The following FER variants were observed in gnomAD, a reference collection of about 807,000 sequenced individuals.
The protein encoded by FER is tyrosine-protein kinase Fer.
Under a neutral mutation model 111.0 loss-of-function variants are expected in FER, and 63 were observed. The ratio of observed to expected loss-of-function variants is 0.57; its 90% CI spans 0.46 to 0.70. The LOEUF is 0.70. Among genes scored for constraint, FER ranks in the 30% least tolerant of loss-of-function variants. The pLI is 0.00. For synonymous variants in FER, 327 were observed against 313.9 expected, an observed-to-expected ratio of 1.04 and a Z score of -0.44; for missense variants, 914 against 954.0, an observed-to-expected ratio of 0.96 and a Z score of 0.55.
chr5:108,810,831 G>C (rs1006615364), intron 3 of FER, among the ~76,000 whole-genome samples: 1 of 152,084 alleles, frequency 6.6e-6, no homozygotes. Flanking sequence ...ATCTGCCTGG[G>C]GGTGAGGAAG....
At chr5:109,149,016 A>C (rs1188880375) in intron 17 of FER, among the ~76,000 whole-genome samples, 1 of 152,148 alleles carries the variant, frequency 6.6e-6, no homozygotes, top group Admixed American at 6.6e-5. Flanking sequence ...ATTGTCACAT[A>C]ACCTAGTTCA....
chr5:109,075,546 C>T (rs1776233316), intron 16 of FER, among the ~76,000 whole-genome samples: 1 of 151,672 alleles, frequency 6.6e-6, no homozygotes. Context: ...GCCTCAGCCT[C>T]CTGAGTAGCT....
chr5:108,914,412 G>A (rs966923410), intron 10 of FER, among the ~76,000 whole-genome samples: 12 of 152,108 alleles, frequency 7.9e-5, no homozygotes, highest in African/African-American at 2.4e-5. Flanking sequence ...TATGGACTAT[G>A]TACCTCTTAT....
intron 17 of FER, among the ~76,000 whole-genome samples, chr5:109,178,260 G>A (rs1757919898): frequency 6.6e-6 from 1 of 152,166 alleles, no homozygotes; most frequent in Non-Finnish European, 1.5e-5. Context: ...ACTTAATGCA[G>A]CCCAAAGGAA....
intron 16 of FER, among the ~76,000 whole-genome samples, chr5:109,090,893 G>A (rs1778093384): frequency 6.6e-6 from 1 of 152,138 alleles, no homozygotes; most frequent in South Asian, 2.1e-4. Context: ...GATTTTCAAA[G>A]GATAAAAGTA....
intron 17 of FER, among the ~76,000 whole-genome samples, chr5:109,130,489 A>G (rs1752240495): frequency 7.8e-6 from 1 of 128,054 alleles, no homozygotes; most frequent in Non-Finnish European, 1.6e-5. Flanking sequence ...TAGTAGCCAC[A>G]TTAAAAATAT....
chr5:109,041,674 A>G (rs557403234), intron 14 of FER, among the ~76,000 whole-genome samples: 7 of 152,188 alleles, frequency 4.6e-5, no homozygotes, highest in Non-Finnish European at 7.4e-5. Flanking sequence ...TTGAAATTAC[A>G]AAGAATTAGG....
intron 8 of FER, among the ~76,000 whole-genome samples, chr5:108,881,297 A>G (rs1765649587): frequency 6.6e-6 from 1 of 152,176 alleles, no homozygotes; most frequent in Non-Finnish European, 1.5e-5. Context: ...CAATCATGGT[A>G]GAAGGCAAGG....
At chr5:109,138,958 G>A (rs1386166415) in intron 17 of FER, among the ~76,000 whole-genome samples, 3 of 152,168 alleles carry the variant, frequency 2.0e-5, no homozygotes, top group Non-Finnish European at 4.4e-5. Flanking sequence ...GAAGTAGAGG[G>A]CCCATGGCAA....
At chr5:108,767,012 A>G (rs1752390462) in intron 1 of FER, among the ~76,000 whole-genome samples, 1 of 152,166 alleles carries the variant, frequency 6.6e-6, no homozygotes, top group South Asian at 2.1e-4. Flanking sequence ...GAAGCCTATG[A>G]GGCAGAGGCC....
chr5:108,877,819 T>G lies in FER; in HGVS notation c.924-5577T>G, dbSNP rs1427242214. 3.3e-5 allele frequency among the ~76,000 whole-genome samples: 5 copies of G among 152,312 alleles called. No homozygotes were observed. The East Asian group carries it at 9.6e-4, about 29-fold the overall frequency. ...GATCCCTTTAAGAGTGTTGTAAGAT[T>G]TAGATCGTGACATCCAATGATTATG... On this transcript the variant is annotated intron_variant, in intron 8 of 19. Coordinates refer to ENST00000281092, the MANE Select transcript of FER (RefSeq NM_005246.4).
At chr5:109,117,270 A>G (rs540365632) in intron 17 of FER, among the ~76,000 whole-genome samples, 9 of 152,268 alleles carry the variant, frequency 5.9e-5, no homozygotes, top group African/African-American at 1.4e-4. Flanking sequence ...GGATGAAATC[A>G]TTGTATAAGA....
chr5:108,934,672 C>T (rs11949066), intron 10 of FER, among the ~76,000 whole-genome samples: 18,938 of 152,176 alleles, frequency 0.12, 1,235 homozygotes, highest in Middle Eastern at 0.17. Context: ...AGTTTTCCAG[C>T]TACTGCACTG....
At chr5:108,811,159 A>G (rs778841383) in intron 3 of FER, among the ~76,000 whole-genome samples, 4 of 151,876 alleles carry the variant, frequency 2.6e-5, no homozygotes, top group Non-Finnish European at 4.4e-5. Context: ...ATGCCTGGAG[A>G]TCTGCCTAGG....
At chr5:108,922,704 G>C (rs1753185446) in intron 10 of FER, among the ~76,000 whole-genome samples, 1 of 152,068 alleles carries the variant, frequency 6.6e-6, no homozygotes, top group Non-Finnish European at 1.5e-5. Flanking sequence ...ACTTATTCTG[G>C]TATAAAATTC....
chr5:108,899,641 C>CAA (rs78199924), intron 10 of FER, among the ~76,000 whole-genome samples: 1 of 139,006 alleles, frequency 7.2e-6, no homozygotes, highest in Non-Finnish European at 1.6e-5. Flanking sequence ...TACTAAAATA[C>CAA]AAAAAAAAAA....
intron 16 of FER, among the ~76,000 whole-genome samples, chr5:109,070,467 G>GA: frequency 6.6e-6 from 1 of 151,804 alleles, no homozygotes; most frequent in Admixed American, 6.6e-5. Context: ...ACTAATGAAA[G>GA]AAAAAACTGT....
intron 8 of FER, among the ~76,000 whole-genome samples, chr5:108,875,940 G>A (rs578071622): frequency 1.3e-5 from 2 of 152,294 alleles, no homozygotes; most frequent in South Asian, 4.1e-4. Flanking sequence ...TACGTAAAAT[G>A]TGTAGTCTTG....
chr5:108,998,236 G>A (rs1303022810), intron 13 of FER, among the ~76,000 whole-genome samples: 3 of 149,382 alleles, frequency 2.0e-5, no homozygotes, highest in Admixed American at 6.7e-5. Context: ...CTGCCCAAAC[G>A]GCCGCCCAGT....
Sources: gnomAD v4.1 joint callset for allele counts (sites outside exome capture counted in the v4.1 genomes callset) on GRCh38, gnomAD v4.1.1 for gene constraint, MANE v1.5 for transcripts, NCBI Gene and HGNC (gene_info 2026-07-23, HGNC 2026-07-21) for gene names.